The following CNTN1 variants were observed in gnomAD, a reference collection of about 807,000 sequenced individuals.
CNTN1 encodes contactin-1.
A neutral mutation model predicts 126.4 loss-of-function variants in CNTN1; 38 were observed. The observed-to-expected ratio is 0.30, with a 90% CI of 0.23 to 0.39. The LOEUF is 0.39. Among genes scored for constraint, CNTN1 ranks in the 10% least tolerant of loss-of-function variants. CNTN1 has a pLI of 1.00. For synonymous variants in CNTN1, 413 were observed against 422.6 expected, an observed-to-expected ratio of 0.98 and a Z score of 0.28; for missense variants, 1,009 against 1,248.4, an observed-to-expected ratio of 0.81 and a Z score of 2.89.
At chr12:40,830,591 T>C (rs1941776057) in intron 1 of CNTN1, among the ~76,000 whole-genome samples, 1 of 150,960 alleles carries the variant, frequency 6.6e-6, no homozygotes, top group Non-Finnish European at 1.5e-5. Context: ...AATATAAGGG[T>C]TTATAATTTC....
At chr12:40,936,652 G>A (rs1448783601) in intron 9 of CNTN1, 129 bp from the exon 10 acceptor site, 1 of 1,142,858 alleles carries the variant, frequency 8.7e-7, no homozygotes, top group Non-Finnish European at 1.3e-6. Flanking sequence ...CTATTACTGA[G>A]TTCAGGATGC....
intron 17 of CNTN1, among the ~76,000 whole-genome samples, chr12:41,007,351 C>G (rs1036607026): frequency 6.6e-6 from 1 of 151,962 alleles, no homozygotes; most frequent in South Asian, 2.1e-4. Context: ...TGAGCCACCG[C>G]GCCCGGCCAG....
At position 40,874,532 on chromosome 12, in the gene CNTN1, A is replaced by G. The variant is rs531383684; in HGVS notation, c.-76-33825A>G. 2.0e-5 allele frequency among the ~76,000 whole-genome samples: 3 copies of G among 152,272 alleles called. No individual in the cohort carries two copies. The East Asian group carries it at 5.8e-4, about 29-fold the overall frequency. ...ATATAGAAACATTTTCAAATTTTTT[A>G]ATGGATGAGACCAACTGCATTTTTT... On this transcript the variant is annotated intron_variant, in intron 1 of 23. Transcript: ENST00000551295.
chr12:40,825,251 C>T (rs955675166), intron 1 of CNTN1, among the ~76,000 whole-genome samples: 1 of 151,994 alleles, frequency 6.6e-6, no homozygotes, highest in Non-Finnish European at 1.5e-5. Context: ...AGTACTTATC[C>T]CTTGAACTCA....
At chr12:40,746,322 TAAAG>T (rs1378804865) in intron 1 of CNTN1, among the ~76,000 whole-genome samples, 3 of 152,230 alleles carry the variant, frequency 2.0e-5, no homozygotes, top group African/African-American at 4.8e-5. Context: ...TATTATTCAC[TAAAG>T]AATCAACCAT....
intron 1 of CNTN1, among the ~76,000 whole-genome samples, chr12:40,868,412 G>T (rs1159722375): frequency 6.6e-6 from 1 of 152,108 alleles, no homozygotes; most frequent in African/African-American, 2.4e-5. Flanking sequence ...AGAGATTCAG[G>T]TTGAGTCAGT....
intron 23 of CNTN1, among the ~76,000 whole-genome samples, chr12:41,030,982 A>G (rs1367859216): frequency 6.6e-6 from 1 of 152,198 alleles, no homozygotes; most frequent in Non-Finnish European, 1.5e-5. Flanking sequence ...AGGAAGGTAA[A>G]GCACAAATAA....
At chr12:40,898,746 A>G (rs1944501082) in intron 1 of CNTN1, among the ~76,000 whole-genome samples, 1 of 152,166 alleles carries the variant, frequency 6.6e-6, no homozygotes, top group East Asian at 1.9e-4. Flanking sequence ...AGCTAATAGG[A>G]GTTATGAGAT....
rs1939558036 is a variant in CNTN1 at position 40,775,893 on chromosome 12, C to T, written c.-77+83301C>T. Among the ~76,000 whole-genome samples, 4 of 151,582 alleles carry T rather than the reference C, an allele frequency of 2.6e-5. No homozygotes were observed. In the South Asian group the frequency reaches 6.2e-4, roughly 24 times the overall value. ...CCCAGAGATCAATGTGAGTCAAAAACGTAGTGTAAGTAGTATGTTGTCACT... is the reference window on the plus strand; with the variant it reads ...CCCAGAGATCAATGTGAGTCAAAAATGTAGTGTAAGTAGTATGTTGTCACT... On this transcript the variant is annotated intron_variant, in intron 1 of 23. Coordinates refer to ENST00000551295, the MANE Select transcript of CNTN1 (RefSeq NM_001843.4).
intron 1 of CNTN1, among the ~76,000 whole-genome samples, chr12:40,849,042 G>A (rs1003967638): frequency 1.3e-5 from 2 of 152,034 alleles, no homozygotes; most frequent in Non-Finnish European, 2.9e-5. Flanking sequence ...ATATTAGTGT[G>A]GTTGTACCAT....
chr12:40,795,993 G>C (rs1940412648), intron 1 of CNTN1, among the ~76,000 whole-genome samples: 1 of 152,020 alleles, frequency 6.6e-6, no homozygotes. Context: ...GTCATACCCA[G>C]TGCCAAACCT....
At chr12:41,053,656 A>G (rs961155069) in intron 23 of CNTN1, among the ~76,000 whole-genome samples, 1 of 150,932 alleles carries the variant, frequency 6.6e-6, no homozygotes, top group Non-Finnish European at 1.5e-5. Flanking sequence ...AACTGTCGTC[A>G]TCAAGAACTT....
chr12:40,824,657 C>G (rs1592128281), intron 1 of CNTN1, among the ~76,000 whole-genome samples: 1 of 152,098 alleles, frequency 6.6e-6, no homozygotes, highest in African/African-American at 2.4e-5. Context: ...AACTGATGCT[C>G]TTGTAGTACA....
chr12:40,897,283 G>T (rs1468696568), intron 1 of CNTN1, among the ~76,000 whole-genome samples: 1 of 152,076 alleles, frequency 6.6e-6, no homozygotes, highest in Non-Finnish European at 1.5e-5. Flanking sequence ...TAAATGCTTA[G>T]ACTGTTTCCT....
intron 1 of CNTN1, among the ~76,000 whole-genome samples, chr12:40,892,903 G>A (rs1231073647): frequency 7.3e-6 from 1 of 137,184 alleles, no homozygotes; most frequent in East Asian, 2.1e-4. Flanking sequence ...ATTCTTCCCC[G>A]AAATTCAAGA....
intron 16 of CNTN1, among the ~76,000 whole-genome samples, chr12:40,991,941 A>G (rs1159681654): frequency 6.6e-6 from 1 of 152,224 alleles, no homozygotes; most frequent in African/African-American, 2.4e-5. Context: ...ACTTCTTTCA[A>G]TTACCTAGAA....
rs1452969837 is a variant in CNTN1, at chr12:40,981,298, TAATGGAA to T, written c.1963+233_1963+239del. 2.0e-5 allele frequency among the ~76,000 whole-genome samples: 3 copies of T among 152,266 alleles called. No individual in the cohort carries two copies. The East Asian group carries it at 5.8e-4, about 29-fold the overall frequency. On this transcript the variant is annotated intron_variant, in intron 16 of 23. Coordinates refer to ENST00000551295, the MANE Select transcript of CNTN1 (RefSeq NM_001843.4). ...GAAGTATCATTTCTAAATCAATATA[TAATGGAA>T]AGCAAAATGAGGCCTCCTGGGTTTC...
At chr12:40,838,980 C>G (rs535924339) in intron 1 of CNTN1, among the ~76,000 whole-genome samples, 43 of 148,740 alleles carry the variant, frequency 2.9e-4, no homozygotes, top group Admixed American at 9.3e-4. Context: ...TTCAAACACT[C>G]AGTGAAACAC....
chr12:40,880,378 G>A (rs188722071), intron 1 of CNTN1, among the ~76,000 whole-genome samples: 1 of 152,048 alleles, frequency 6.6e-6, no homozygotes, highest in African/African-American at 2.4e-5. Context: ...TTCCTAAGTG[G>A]ATGTAAATAC....
Sources: allele counts gnomAD v4.1 joint callset (sites outside exome capture counted in the v4.1 genomes callset), GRCh38; gene constraint gnomAD v4.1.1; transcripts MANE v1.5; gene names NCBI Gene and HGNC (gene_info 2026-07-23, HGNC 2026-07-21).